Variants in ITGA10 observed in about 807,000 individuals in gnomAD.
ITGA10 encodes integrin subunit alpha 10, also known as integrin alpha-10.
Under a neutral mutation model 145.2 loss-of-function variants are expected in ITGA10, and 105 were observed. The observed-to-expected ratio is 0.72, with a 90% CI of 0.62 to 0.85. The LOEUF (loss-of-function observed/expected upper bound fraction) is 0.85, where lower values mean the gene tolerates loss of function less well. Ranked by LOEUF, ITGA10 falls within the 40% of genes least tolerant of loss-of-function variation. ITGA10 has a pLI of 0.00. For synonymous variants in ITGA10, 506 were observed against 557.8 expected, an observed-to-expected ratio of 0.91 and a Z score of 1.31; for missense variants, 1,317 against 1,444.5, an observed-to-expected ratio of 0.91 and a Z score of 1.43.
At chr1:145,903,356 C>T (rs782451017) in intron 7 of ITGA10, among the ~76,000 whole-genome samples, 55 of 152,136 alleles carry the variant, frequency 3.6e-4, no homozygotes, top group South Asian at 6.2e-4. Context: ...ATTTTACCAC[C>T]GTGCCCCTAG....
At chr1:145,909,817 G>C in intron 1 of ITGA10, 146 bp downstream of exon 1, 1 of 680,904 alleles carries the variant, frequency 1.5e-6, no homozygotes, top group South Asian at 1.6e-5. Flanking sequence ...AAATGCACAA[G>C]GACACAGACA....
rs1156821179 is a variant in ITGA10 at position 145,891,457 on chromosome 1, C to T, written c.*1341G>A. On this transcript the variant is annotated 3_prime_UTR_variant, in exon 30 of 30. Transcript: ENST00000369304. ...ATTCTTCAAAAGGCTCCCAGAGCTG[C>T]ACTCTGGAGACCAATAACTGACTTC... The T allele has an allele frequency of 7.2e-5, 11 of 152,554 alleles. No individual in the cohort carries two copies. The highest frequency in any genetic ancestry group is 1.2e-4 in the African/African-American group (5 of 41,454). The allele number at this position is 152,554 out of a possible 1,614,324, so 9.5% of individuals were successfully genotyped here. A position where few individuals can be genotyped will look rare whatever the true frequency, so the allele number is the denominator to read the frequency against.
intron 15 of ITGA10, 34 bp downstream of exon 15, chr1:145,900,023 G>A: frequency 6.3e-7 from 1 of 1,598,448 alleles, no homozygotes; most frequent in Non-Finnish European, 8.5e-7. Flanking sequence ...GCTATGCTAT[G>A]CTGTCCACCA....
chr1:145,893,705 C>T (rs1232001471), intron 27 of ITGA10, 70 bp from the exon 28 acceptor site: 1 of 1,248,026 alleles, frequency 8.0e-7, no homozygotes, highest in Non-Finnish European at 1.1e-6. Context: ...TTTGGAATCC[C>T]AACAGCAAAG....
chr1:145,896,334 G>T lies in ITGA10; in HGVS notation c.2853C>A (p.Arg951=). Residue 951 remains arginine (R), a synonymous_variant, in exon 24 of 30, where the codon CGC becomes CGA. Coordinates refer to ENST00000369304, the MANE Select transcript of ITGA10 (RefSeq NM_003637.5). ...LLFSSESTLH[R]YEVHPYGTLP... is the part of the protein sequence containing the mutation. ...GGGTCCCATATGGGTGAACCTCATA[G>T]CGGTGCAGGGTAGACTCACTGTGTG... 2 of 1,613,920 alleles carry T rather than the reference G, an allele frequency of 1.2e-6. No homozygotes were observed.
Position 145,901,548 on chromosome 1 carries a change from C to T in ITGA10, c.1411G>A (p.Val471Met), listed in dbSNP as rs2101798703. 2 of 1,600,278 alleles carry T rather than the reference C, an allele frequency of 1.2e-6. No homozygotes were observed. The highest frequency in any genetic ancestry group is 1.7e-6 in the Non-Finnish European group (2 of 1,173,996). Residue 471 changes from valine to methionine, a missense_variant, in exon 12 of 30, where the codon GTG becomes ATG. Transcript: ENST00000369304. The surrounding 1 kb of genome is among the most constrained non-coding windows in gnomAD (Gnocchi z 4.3). The stretch of plus-strand genomic sequence containing the variant: ...CCCTGGAGGCTCTGGGCAACCCTCA[C>T]AGCCCCATCTTTCTTAAGCTGGAAG... Reference protein sequence around the residue: ...IAFQLKKDGAVRVAQSLQGEQ... With the variant: ...IAFQLKKDGAMRVAQSLQGEQ...
intron 1 of ITGA10, 32 bp from the exon 2 acceptor site, chr1:145,907,497 G>A (rs1553751772): frequency 6.2e-7 from 1 of 1,613,178 alleles, no homozygotes; most frequent in Non-Finnish European, 8.5e-7. Context: ...GTTAGTATGA[G>A]GTAGTGAATG....
chr1:145,896,871 A>G lies in ITGA10; in HGVS notation c.2745-13T>C. ...CTCCAGGCTGTCACTGTAGGGTCAG[A>G]GGGGAGAGGCTCACATCTCAACCCC... is the stretch of plus-strand genomic sequence containing the variant. On this transcript the variant is annotated splice_polypyrimidine_tract_variant and intron_variant, in intron 22 of 29. Coordinates refer to ENST00000369304, the MANE Select transcript of ITGA10 (RefSeq NM_003637.5). The G allele has an allele frequency of 6.2e-7, 1 of 1,606,460 alleles. No individual in the cohort carries two copies. The highest frequency in any genetic ancestry group is 8.5e-7 in the Non-Finnish European group (1 of 1,173,036).
chr1:145,897,952 A>G, intron 18 of ITGA10, 52 bp from the exon 19 acceptor site: 1 of 1,488,092 alleles, frequency 6.7e-7, no homozygotes, highest in Non-Finnish European at 9.4e-7. Flanking sequence ...GGAGGAAAGG[A>G]ATAGAATAGG....
At chr1:145,904,012 A>G in intron 7 of ITGA10, 40 bp downstream of exon 7, 1 of 1,611,728 alleles carries the variant, frequency 6.2e-7, no homozygotes. Flanking sequence ...CTAAGCCTTC[A>G]TTGCTCTAGC....
chr1:145,906,701 G>A, intron 4 of ITGA10, 32 bp downstream of exon 4: 1 of 1,530,814 alleles, frequency 6.5e-7, no homozygotes, highest in Non-Finnish European at 9.0e-7. Context: ...TGGACCTTCA[G>A]AGACACTGCC....
At chr1:145,902,346 A>G in intron 9 of ITGA10, 27 bp from the exon 10 acceptor site, 2 of 1,612,690 alleles carry the variant, frequency 1.2e-6, no homozygotes, top group Non-Finnish European at 1.7e-6. Flanking sequence ...CATTGAGACA[A>G]TATCAGGGGA....
intron 23 of ITGA10, 121 bp downstream of exon 23, chr1:145,896,648 A>G: frequency 1.2e-6 from 1 of 813,010 alleles, no homozygotes; most frequent in Non-Finnish European, 2.2e-6. Flanking sequence ...GGGCAAAAAG[A>G]CTGAGCAGCC....
chr1:145,894,591 C>T (rs58242023), intron 27 of ITGA10, among the ~76,000 whole-genome samples: 5,421 of 152,186 alleles, frequency 0.036, 348 homozygotes, highest in African/African-American at 0.13. Flanking sequence ...ACAACATTGA[C>T]CTTAGTGCCA....
chr1:145,899,979 T>G, intron 15 of ITGA10, 78 bp downstream of exon 15: 1 of 1,453,336 alleles, frequency 6.9e-7, no homozygotes, highest in Non-Finnish European at 9.2e-7. Flanking sequence ...AAACCAAATC[T>G]CCATCTGTGA....
rs1553745235 is a variant in ITGA10, at chr1:145,896,765, A to C, written c.2834+4T>G. ...CTGGGTCCCACCCTAGAAGCTGGGC[A>C]TACCTAGAGAACAGGAGGTGGGGCT... On this transcript the variant is annotated splice_donor_region_variant and intron_variant, in intron 23 of 29. Coordinates refer to ENST00000369304, the MANE Select transcript of ITGA10 (RefSeq NM_003637.5). 1 of 1,610,686 alleles carries C rather than the reference A, an allele frequency of 6.2e-7. No individual in the cohort carries two copies. Among genetic ancestry groups the C allele is most frequent in the Admixed American group, 1.7e-5 (1 of 60,010 alleles).
Position 145,896,010 on chromosome 1 carries a change from T to C in ITGA10, c.3006A>G (p.Leu1002=), listed in dbSNP as rs376306827. 6.2e-7 allele frequency: 1 copy of C among 1,613,604 alleles called. No individual in the cohort carries two copies. The highest frequency in any genetic ancestry group is 8.5e-7 in the Non-Finnish European group (1 of 1,179,652). Residue 1002 remains leucine (L), a synonymous_variant, in exon 25 of 30, where the codon CTA becomes CTG. Transcript: ENST00000369304. ...PAVAHGGNYF[L]SLSQVITNNA... is the part of the protein sequence containing the mutation. ...TGTTAGTGATGACTTGAGACAGTGA[T>C]AGGAAGTAATTGCCCCCATGGGCCA... is the stretch of plus-strand genomic sequence containing the variant.
chr1:145,896,818 CTG>C lies in ITGA10; in HGVS notation c.2783_2784del (p.Thr928SerfsTer10). 2.5e-6 allele frequency: 4 copies of C among 1,614,018 alleles called. No homozygotes were observed. The highest frequency in any genetic ancestry group is 3.4e-6 in the Non-Finnish European group (4 of 1,179,960). On this transcript the variant is annotated frameshift_variant, in exon 23 of 30. Transcript: ENST00000369304. LOFTEE classifies it high-confidence loss of function. ...TATTGGATGTAGGCTGAGGTCTGGG[CTG>C]TGTTATCTTGAAGGGTCCCATTTCT... ...LERNGTLQDN[T>X]AQTSAYIQYE...
At chr1:145,893,712 A>C (rs187488831) in intron 27 of ITGA10, 77 bp from the exon 28 acceptor site, 1 of 1,140,822 alleles carries the variant, frequency 8.8e-7, no homozygotes, top group East Asian at 2.5e-5. Context: ...TCCCAACAGC[A>C]AAGTTGAGGC....
Sources: allele counts gnomAD v4.1 joint callset (sites outside exome capture counted in the v4.1 genomes callset), GRCh38; gene constraint gnomAD v4.1.1; non-coding constraint Gnocchi (gnomAD v3.1); transcripts MANE v1.5; gene names NCBI Gene and HGNC (gene_info 2026-07-23, HGNC 2026-07-21).